The following RALGPS2 variants were observed in gnomAD, a reference collection of about 807,000 sequenced individuals.
RALGPS2 encodes ras-specific guanine nucleotide-releasing factor RalGPS2.
In RALGPS2, 43 loss-of-function variants were observed where a neutral mutation model predicts 86.8. That is an observed-to-expected ratio of 0.50 (90% confidence interval 0.39 to 0.64). The LOEUF (loss-of-function observed/expected upper bound fraction) is 0.64. RALGPS2 is among the 30% of genes least tolerant of loss of function. RALGPS2 has a pLI of 0.00. For missense variants in RALGPS2, 536 were observed against 694.6 expected (o/e 0.77, Z 2.57); for synonymous variants, 243 against 231.3 (o/e 1.05, Z -0.46).
At chr1:178,839,014 A>G (rs1412836357) in intron 8 of RALGPS2, among the ~76,000 whole-genome samples, 1 of 152,244 alleles carries the variant, frequency 6.6e-6, no homozygotes, top group Non-Finnish European at 1.5e-5. Context: ...GGACTATGTG[A>G]AAAGACCAAA....
chr1:178,884,976 A>T (rs1659412053), intron 11 of RALGPS2, 100 bp from the exon 12 acceptor site: 2 of 1,189,294 alleles, frequency 1.7e-6, no homozygotes, highest in Non-Finnish European at 2.3e-6. Context: ...TAGAACTAAC[A>T]TCAGTACTAT....
chr1:178,844,493 C>A (rs377132203), intron 8 of RALGPS2, among the ~76,000 whole-genome samples: 11 of 152,162 alleles, frequency 7.2e-5, no homozygotes, highest in African/African-American at 2.2e-4. Context: ...AACTCATCAT[C>A]CCTTGAAAAA....
At chr1:178,902,974 G>T (rs1660239391) in intron 18 of RALGPS2, among the ~76,000 whole-genome samples, 1 of 152,040 alleles carries the variant, frequency 6.6e-6, no homozygotes, top group Non-Finnish European at 1.5e-5. Flanking sequence ...GAAATTGGAG[G>T]ATGGGCCATG....
At chr1:178,891,959 T>G (rs1256671799) in intron 14 of RALGPS2, among the ~76,000 whole-genome samples, 1 of 152,032 alleles carries the variant, frequency 6.6e-6, no homozygotes, top group Non-Finnish European at 1.5e-5. Flanking sequence ...TTTAATTCTT[T>G]TAGCAGATTT....
At chr1:178,829,774 T>C (rs1463426506) in intron 7 of RALGPS2, among the ~76,000 whole-genome samples, 1 of 152,152 alleles carries the variant, frequency 6.6e-6, no homozygotes, top group Non-Finnish European at 1.5e-5. Flanking sequence ...AGATGGAGTC[T>C]CGCTCTATCA....
At chr1:178,769,651 C>G (rs1652686229) in intron 1 of RALGPS2, among the ~76,000 whole-genome samples, 1 of 152,126 alleles carries the variant, frequency 6.6e-6, no homozygotes, top group African/African-American at 2.4e-5. Flanking sequence ...GGGTACCCAG[C>G]AGTGATATAC....
intron 1 of RALGPS2, among the ~76,000 whole-genome samples, chr1:178,754,515 A>G (rs1420357481): frequency 6.6e-6 from 1 of 152,136 alleles, no homozygotes; most frequent in Non-Finnish European, 1.5e-5. Flanking sequence ...GAAAACACCA[A>G]TGTTCAGTTA....
chr1:178,852,753 T>C (rs1657259587), intron 8 of RALGPS2: 1 of 1,613,844 alleles, frequency 6.2e-7, no homozygotes, highest in Non-Finnish European at 8.5e-7. Flanking sequence ...TAGAATCCCC[T>C]GCATTTCCCT....
At chr1:178,899,424 G>A (rs1030029420) in intron 17 of RALGPS2, among the ~76,000 whole-genome samples, 2 of 151,482 alleles carry the variant, frequency 1.3e-5, no homozygotes, top group African/African-American at 4.8e-5. Flanking sequence ...TATAGAGACA[G>A]GTCTATATCT....
At chr1:178,799,980 G>T (rs1045016212) in intron 4 of RALGPS2, among the ~76,000 whole-genome samples, 2 of 152,158 alleles carry the variant, frequency 1.3e-5, no homozygotes, top group African/African-American at 4.8e-5. Flanking sequence ...TCATGAAAAA[G>T]ATTGTGGATA....
chr1:178,892,918 CTT>C (rs1300790875), intron 15 of RALGPS2, among the ~76,000 whole-genome samples: 1 of 152,024 alleles, frequency 6.6e-6, no homozygotes, highest in Non-Finnish European at 1.5e-5. Context: ...AAATACCAAA[CTT>C]CAGAAGCAAA....
intron 8 of RALGPS2, among the ~76,000 whole-genome samples, chr1:178,845,889 A>G (rs938205356): frequency 6.6e-6 from 1 of 152,200 alleles, no homozygotes; most frequent in African/African-American, 2.4e-5. Context: ...ATATCCTGGA[A>G]GAGATGCATA....
Position 178,864,943 on chromosome 1 carries a change from A to T in RALGPS2, c.608-12555A>T, listed in dbSNP as rs751405074. 6.2e-5 allele frequency: 89 copies of T among 1,434,488 alleles called. 2 individuals are homozygous for T. In the South Asian group the frequency reaches 1.6e-3, roughly 26 times the overall value. The allele number at this position is 1,434,488 out of a possible 1,614,324, so 88.9% of individuals were successfully genotyped here. A position where few individuals can be genotyped will look rare whatever the true frequency, so the allele number is the denominator to read the frequency against. On this transcript the variant is annotated intron_variant, in intron 8 of 19. Transcript: ENST00000367635. The stretch of plus-strand genomic sequence containing the variant: ...TCATACTCCCACTTTTTACAGTAAG[A>T]GGTAACTCACCTTCATTGATGAAAG...
intron 9 of RALGPS2, among the ~76,000 whole-genome samples, chr1:178,878,344 T>C (rs887377537): frequency 2.6e-5 from 4 of 152,174 alleles, no homozygotes; most frequent in Non-Finnish European, 5.9e-5. Context: ...AGTGAATTTA[T>C]CTTAAAGCTA....
At chr1:178,777,243 C>T (rs1653142887) in intron 2 of RALGPS2, among the ~76,000 whole-genome samples, 1 of 151,846 alleles carries the variant, frequency 6.6e-6, no homozygotes, top group Admixed American at 6.6e-5. Context: ...TCTTATACAC[C>T]AATAACAGAC....
rs1436541075 is a variant in RALGPS2, at chr1:178,820,788, G to GTTTA, written c.388-822_388-819dup. 4.3e-4 allele frequency among the ~76,000 whole-genome samples: 65 copies of GTTTA among 152,174 alleles called. 1 individual carries two copies. Among genetic ancestry groups the GTTTA allele is most frequent in the Non-Finnish European group, 1.2e-4 (8 of 68,008 alleles). On this transcript the variant is annotated intron_variant, in intron 6 of 19. Transcript: ENST00000367635. ...TTAGATTATATAACCTTGGATGAGG[G>GTTTA]TTTATATTATGTTTTGTGTTATTAA...
chr1:178,829,646 A>G (rs2102241472), intron 7 of RALGPS2, among the ~76,000 whole-genome samples: 1 of 152,338 alleles, frequency 6.6e-6, no homozygotes, highest in Non-Finnish European at 1.5e-5. Flanking sequence ...GATCTAATGT[A>G]CAGCATGAGG....
intron 11 of RALGPS2, among the ~76,000 whole-genome samples, 190 bp downstream of exon 11, chr1:178,883,723 C>T (rs921691068): frequency 1.3e-5 from 2 of 151,708 alleles, no homozygotes; most frequent in Non-Finnish European, 2.9e-5. Flanking sequence ...GGGTGGCTCA[C>T]GCCTGTAATC....
intron 8 of RALGPS2, among the ~76,000 whole-genome samples, chr1:178,864,286 T>A (rs1400143886): frequency 7.2e-5 from 11 of 152,278 alleles, no homozygotes; most frequent in African/African-American, 2.4e-5. Context: ...AGTTTTTTTT[T>A]ATAATAATGA....
Sources: allele counts gnomAD v4.1 joint callset (sites outside exome capture counted in the v4.1 genomes callset), GRCh38; gene constraint gnomAD v4.1.1; transcripts MANE v1.5; gene names NCBI Gene and HGNC (gene_info 2026-07-23, HGNC 2026-07-21).